TRMT9B: variants seen among roughly 807,000 people sequenced by gnomAD.
The protein encoded by TRMT9B is probable tRNA methyltransferase 9B.
In TRMT9B, 16 loss-of-function variants were observed where a neutral mutation model predicts 11.5. That is an observed-to-expected ratio of 1.39 (90% confidence interval 0.94 to 2.11). TRMT9B has a LOEUF of 2.11. TRMT9B is among the 30% of genes most tolerant of loss of function. TRMT9B has a pLI of 0.00. For synonymous variants in TRMT9B, 274 were observed against 192.4 expected, an observed-to-expected ratio of 1.42 and a Z score of -3.51; for missense variants, 941 against 553.8, an observed-to-expected ratio of 1.70 and a Z score of -7.02.
intron 2 of TRMT9B, among the ~76,000 whole-genome samples, chr8:13,000,131 G>A (rs945192416): frequency 1.3e-5 from 2 of 152,130 alleles, no homozygotes; most frequent in African/African-American, 4.8e-5. Context: ...GATGCCTCCA[G>A]GACAAGGAAC....
intron 1 of TRMT9B, among the ~76,000 whole-genome samples, chr8:12,981,822 C>T (rs1805443105): frequency 6.6e-6 from 1 of 152,088 alleles, no homozygotes; most frequent in Non-Finnish European, 1.5e-5. Flanking sequence ...TTATCTCAAA[C>T]ATCTGGCCTC....
At chr8:13,020,826 A>C (rs1051440973) in intron 4 of TRMT9B, among the ~76,000 whole-genome samples, 182 bp from the exon 5 acceptor site, 3 of 152,226 alleles carry the variant, frequency 2.0e-5, no homozygotes, top group African/African-American at 7.2e-5. Context: ...GCCAAAGCTA[A>C]AATTTATGTT....
intron 2 of TRMT9B, among the ~76,000 whole-genome samples, chr8:12,993,870 G>T (rs1470554233): frequency 6.6e-6 from 1 of 152,208 alleles, no homozygotes; most frequent in East Asian, 1.9e-4. Flanking sequence ...AAAGCAAGAA[G>T]GAGGATTTGT....
At position 13,012,842 on chromosome 8, in the gene TRMT9B, A is replaced by C; in HGVS notation, c.313A>C (p.Ile105Leu). Residue 105 changes from isoleucine (I) to leucine (L), a missense_variant, in exon 4 of 5, where the codon ATC becomes CTC. By Grantham distance (5) the Ile-to-Leu change is conservative. Coordinates refer to ENST00000524591, the MANE Select transcript of TRMT9B (RefSeq NM_020844.3). ...LPFRDEGFDAIISIGVIHHFS... is the reference protein window; with the variant it reads ...LPFRDEGFDALISIGVIHHFS... ...CTTTAGGGATGAGGGCTTCGATGCCATCATCTCCATAGGAGGTAAGGCAGC... is the reference window on the plus strand; with the variant it reads ...CTTTAGGGATGAGGGCTTCGATGCCCTCATCTCCATAGGAGGTAAGGCAGC... The C allele has an allele frequency of 6.2e-7, 1 of 1,613,832 alleles. No homozygotes were observed.
At chr8:13,018,208 C>A (rs1054319948) in intron 4 of TRMT9B, among the ~76,000 whole-genome samples, 3 of 150,974 alleles carry the variant, frequency 2.0e-5, no homozygotes, top group Non-Finnish European at 4.4e-5. Context: ...TCGATACCAG[C>A]CTGGGCAACA....
rs1376984024 is a variant in TRMT9B, at chr8:13,021,843, C to T, written c.1164C>T (p.Asn388=). 6.2e-7 allele frequency: 1 copy of T among 1,613,706 alleles called. No homozygotes were observed. The highest frequency in any genetic ancestry group is 8.5e-7 in the Non-Finnish European group (1 of 1,179,740). ...CTGCAGTTGATTCCACAGATTTCAA[C>T]CCAGATGATACAATGTCTGTCGAAG... ...RISAVDSTDF[N]PDDTMSVEDP... is the part of the protein sequence containing the mutation. Residue 388 remains asparagine (N), a synonymous_variant, in exon 5 of 5, where the codon AAC becomes AAT. Transcript: ENST00000524591.
intron 1 of TRMT9B, among the ~76,000 whole-genome samples, chr8:12,965,754 T>G (rs1802726855): frequency 6.6e-6 from 1 of 152,082 alleles, no homozygotes; most frequent in South Asian, 2.1e-4. Context: ...AACTCACGCC[T>G]GTAATCCCAG....
chr8:12,997,954 G>T (rs1331592240), intron 2 of TRMT9B, among the ~76,000 whole-genome samples: 4 of 152,100 alleles, frequency 2.6e-5, no homozygotes, highest in Non-Finnish European at 5.9e-5. Context: ...TTGTATAGGT[G>T]GTGGGATCCT....
rs569964276 is a variant in TRMT9B, at chr8:12,997,975, A to C, written c.-2+6944A>C. Among the ~76,000 whole-genome samples the C allele has an allele frequency of 1.6e-4, 25 of 152,258 alleles. No individual in the cohort carries two copies. The South Asian group carries it at 4.2e-3, about 25-fold the overall frequency. On this transcript the variant is annotated intron_variant, in intron 2 of 4. Coordinates refer to ENST00000524591, the MANE Select transcript of TRMT9B (RefSeq NM_020844.3). ...AGGTGGTGGGATCCTATTGTGGCTT[A>C]AATTTGCGGTTCCCTGATACTAGTG...
intron 1 of TRMT9B, among the ~76,000 whole-genome samples, chr8:12,947,041 A>T (rs1201780926): frequency 6.6e-6 from 1 of 152,212 alleles, no homozygotes; most frequent in African/African-American, 2.4e-5. Flanking sequence ...AACATCCCAA[A>T]ATGACAAAGA....
chr8:12,951,547 C>A (rs973682209), intron 1 of TRMT9B: 4 of 152,158 alleles, frequency 2.6e-5, no homozygotes, highest in Admixed American at 6.5e-5. Context: ...ACTTCCCGGG[C>A]ACGTTCGGGC....
At chr8:12,984,950 AACATAC>A (rs778129125) in intron 1 of TRMT9B, among the ~76,000 whole-genome samples, 2,189 of 112,314 alleles carry the variant, frequency 0.019, 29 homozygotes, top group African/African-American at 0.039. Context: ...CACCTCCCTC[AACATAC>A]ACACACACAC....
intron 2 of TRMT9B, among the ~76,000 whole-genome samples, chr8:13,005,796 C>T (rs113932284): frequency 5.9e-5 from 9 of 152,182 alleles, no homozygotes; most frequent in East Asian, 5.8e-4. Context: ...GAATTAATAG[C>T]GCTTTGCTAT....
intron 2 of TRMT9B, among the ~76,000 whole-genome samples, chr8:13,000,679 C>T (rs560892968): frequency 6.6e-6 from 1 of 152,120 alleles, no homozygotes; most frequent in African/African-American, 2.4e-5. Context: ...ACCTCGTAAG[C>T]TTTACAAGTT....
rs147742906 is a variant in TRMT9B, at chr8:13,021,573, G to T, written c.894G>T (p.Glu298Asp). The change falls in exon 5 of 5, where the codon GAG becomes GAT. Residue 298 changes from glutamate to aspartate, a missense_variant. Transcript: ENST00000524591. Reference protein sequence around the residue: ...RHSSLDFDHQEPFSTKGQSLD... With the variant: ...RHSSLDFDHQDPFSTKGQSLD... ...CTAGTTTAGACTTTGATCACCAAGAGCCATTTTCAACAAAAGGGCAAAGTT... is the reference window on the plus strand; with the variant it reads ...CTAGTTTAGACTTTGATCACCAAGATCCATTTTCAACAAAAGGGCAAAGTT... 1 of 1,613,862 alleles carries T rather than the reference G, an allele frequency of 6.2e-7. No individual in the cohort carries two copies. The highest frequency in any genetic ancestry group is 8.5e-7 in the Non-Finnish European group (1 of 1,179,842).
chr8:12,999,076 G>T (rs967618668), intron 2 of TRMT9B, among the ~76,000 whole-genome samples: 4 of 152,038 alleles, frequency 2.6e-5, no homozygotes, highest in African/African-American at 9.7e-5. Context: ...CAAGGCAGGT[G>T]GATCATGAGG....
chr8:13,021,213 G>C lies in TRMT9B; in HGVS notation c.534G>C (p.Lys178Asn), dbSNP rs1343313738. ...LFSESSQSGR[K>N]RQCGYPERGH... ...CAGAGTCCAGCCAGTCTGGGAGGAA[G>C]AGGCAGTGTGGATACCCAGAAAGAG... Residue 178 changes from lysine (K) to asparagine (N), a missense_variant, in exon 5 of 5, where the codon AAG (lysine) becomes AAC (asparagine). By Grantham distance (94) the Lys-to-Asn change is moderately conservative (BLOSUM62 0). Coordinates refer to ENST00000524591, the MANE Select transcript of TRMT9B (RefSeq NM_020844.3). 5 of 1,613,784 alleles carry C rather than the reference G, an allele frequency of 3.1e-6. No homozygotes were observed. The highest frequency in any genetic ancestry group is 4.2e-6 in the Non-Finnish European group (5 of 1,179,826).
At chr8:13,005,920 A>G (rs192839247) in intron 2 of TRMT9B, among the ~76,000 whole-genome samples, 16 of 152,366 alleles carry the variant, frequency 1.1e-4, no homozygotes, top group African/African-American at 3.4e-4. Flanking sequence ...TGCTTCCAAA[A>G]TTAAGAATTC....
At chr8:12,990,253 C>T (rs1434231596) in intron 1 of TRMT9B, among the ~76,000 whole-genome samples, 2 of 152,164 alleles carry the variant, frequency 1.3e-5, no homozygotes, top group African/African-American at 2.4e-5. Flanking sequence ...CTTTTCCTAT[C>T]ATATCAGGCA....
Sources: gnomAD v4.1 joint callset for allele counts (sites outside exome capture counted in the v4.1 genomes callset) on GRCh38, gnomAD v4.1.1 for gene constraint, MANE v1.5 for transcripts, NCBI Gene and HGNC (gene_info 2026-07-23, HGNC 2026-07-21) for gene names.